Variants in ZNRF1 observed in about 807,000 individuals in gnomAD.
ZNRF1 encodes zinc and ring finger 1.
In ZNRF1, 3 loss-of-function variants were observed where a neutral mutation model predicts 18.4. The ratio of observed to expected loss-of-function variants is 0.16; its 90% CI spans 0.07 to 0.42. The LOEUF (loss-of-function observed/expected upper bound fraction) is 0.42. Ranked by LOEUF, ZNRF1 falls within the 10% of genes least tolerant of loss-of-function variation. The pLI is 0.99. For missense variants in ZNRF1, 310 were observed against 329.8 expected (o/e 0.94, Z 0.47); for synonymous variants, 157 against 144.2 (o/e 1.09, Z -0.64).
chr16:75,038,529 A>C (rs1220892667), intron 1 of ZNRF1, among the ~76,000 whole-genome samples: 2 of 152,234 alleles, frequency 1.3e-5, no homozygotes, highest in African/African-American at 4.8e-5. Flanking sequence ...TTGGTTTGGC[A>C]TTGTGACAAG....
chr16:75,074,351 G>GTGAC (rs1422477449), intron 1 of ZNRF1, among the ~76,000 whole-genome samples: 4 of 152,214 alleles, frequency 2.6e-5, no homozygotes, highest in Admixed American at 2.6e-4. Flanking sequence ...AGCCTACTGG[G>GTGAC]TGACCCTTCC....
chr16:75,061,815 G>T (rs2035748416), intron 1 of ZNRF1, among the ~76,000 whole-genome samples: 1 of 152,196 alleles, frequency 6.6e-6, no homozygotes, highest in African/African-American at 2.4e-5. Flanking sequence ...CTTGTCAGCA[G>T]CTTGGTTTAA....
At chr16:75,094,535 C>G (rs889252272) in intron 2 of ZNRF1, among the ~76,000 whole-genome samples, 1 of 152,172 alleles carries the variant, frequency 6.6e-6, no homozygotes, top group African/African-American at 2.4e-5. Flanking sequence ...CAGTTTTCTG[C>G]TCTGTAAAAT....
chr16:75,050,881 AAAAAAAACAAAAAAAAAC>A lies in ZNRF1; in HGVS notation c.425-42684_425-42667del, dbSNP rs1350938691. ...GCAAGACTCCGTCTCAAAAAAAAAAAAAAAAAACAAAAAAAAACAAAAAACTTGTAGCCAGGTACAGTG... is the reference window on the plus strand; with the variant it reads ...GCAAGACTCCGTCTCAAAAAAAAAAAAAAAAACTTGTAGCCAGGTACAGTG... On this transcript the variant is annotated intron_variant, in intron 1 of 4. Coordinates refer to ENST00000335325, the MANE Select transcript of ZNRF1 (RefSeq NM_032268.5). Among the ~76,000 whole-genome samples, 734 of 118,492 alleles carry A rather than the reference AAAAAAAACAAAAAAAAAC, an allele frequency of 6.2e-3. 56 individuals are homozygous for A. The highest frequency in any genetic ancestry group is 8.0e-3 in the Non-Finnish European group (471 of 58,728). 77.7% of individuals were successfully genotyped at this position (118,492 alleles called of 152,430 possible). A position where few individuals can be genotyped will look rare whatever the true frequency, so the allele number is the denominator to read the frequency against.
intron 1 of ZNRF1, among the ~76,000 whole-genome samples, chr16:75,003,891 C>G (rs776183460): frequency 6.6e-6 from 1 of 152,016 alleles, no homozygotes; most frequent in Non-Finnish European, 1.5e-5. Context: ...AAAGGACATT[C>G]TAAATGGAGA....
intron 1 of ZNRF1, among the ~76,000 whole-genome samples, chr16:75,029,215 C>T (rs2035267211): frequency 6.6e-6 from 1 of 152,014 alleles, no homozygotes; most frequent in Non-Finnish European, 1.5e-5. Flanking sequence ...GGCGCCATCT[C>T]AGCTCACTGC....
At position 75,108,717 on chromosome 16, in the gene ZNRF1, G is replaced by T. The variant is rs1466449907; in HGVS notation, c.*1017G>T. The T allele has an allele frequency of 7.6e-6, 3 of 394,756 alleles. No individual in the cohort carries two copies. Among genetic ancestry groups the T allele is most frequent in the Non-Finnish European group, 1.3e-5 (3 of 224,102 alleles). 24.5% of individuals were successfully genotyped at this position (394,756 alleles called of 1,614,324 possible). On this transcript the variant is annotated 3_prime_UTR_variant, in exon 5 of 5. Transcript: ENST00000335325. ...AAAATGTCTAATAAAAGATGGCACT[G>T]CGTGATTTTATTTTAATGAAGTGTT...
At chr16:75,029,662 C>A (rs960060740) in intron 1 of ZNRF1, among the ~76,000 whole-genome samples, 1 of 151,092 alleles carries the variant, frequency 6.6e-6, no homozygotes, top group African/African-American at 2.4e-5. Flanking sequence ...CCAGCTGAGG[C>A]TGAGGCTGAG....
rs373948876 is a variant in ZNRF1 at position 75,040,002 on chromosome 16, T to G, written c.424+39907T>G. ...ATGAGATTTAGTAAATATATAGTTA[T>G]GAAACCATCACTAAAATCTTTTGTT... On this transcript the variant is annotated intron_variant, in intron 1 of 4. Transcript: ENST00000335325. Among the ~76,000 whole-genome samples the G allele has an allele frequency of 4.0e-5, 6 of 151,842 alleles. No individual in the cohort carries two copies. In the South Asian group the frequency reaches 1.2e-3, roughly 31 times the overall value.
Position 75,106,548 on chromosome 16 carries a change from C to T in ZNRF1, c.*9C>T. 6.2e-7 allele frequency: 1 copy of T among 1,614,110 alleles called. No individual in the cohort carries two copies. Among genetic ancestry groups the T allele is most frequent in the Non-Finnish European group, 8.5e-7 (1 of 1,180,002 alleles). On this transcript the variant is annotated 3_prime_UTR_variant, in exon 4 of 5. Coordinates refer to ENST00000335325, the MANE Select transcript of ZNRF1 (RefSeq NM_032268.5). ...AACACCCTGCGGACTGACCTGCGGG[C>T]TTGCTTGCTGACTCCTCTCAAAGGT...
rs1171714640 is a variant in ZNRF1 at position 74,999,208 on chromosome 16, C to T, written c.-464C>T. On this transcript the variant is annotated 5_prime_UTR_variant, in exon 1 of 5. Coordinates refer to ENST00000335325, the MANE Select transcript of ZNRF1 (RefSeq NM_032268.5). ...GGCCTGGAGGGGTCCGGGCCGCCGT[C>T]CATGGTCGCGGCGTCCTGAGGCGGG... The T allele has an allele frequency of 6.8e-6, 1 of 147,150 alleles. No individual in the cohort carries two copies. Among genetic ancestry groups the T allele is most frequent in the Non-Finnish European group, 1.5e-5 (1 of 66,148 alleles). 9.1% of individuals were successfully genotyped at this position (147,150 alleles called of 1,614,324 possible). A position where few individuals can be genotyped will look rare whatever the true frequency, so the allele number is the denominator to read the frequency against.
intron 1 of ZNRF1, among the ~76,000 whole-genome samples, chr16:75,056,540 G>A (rs567174215): frequency 1.5e-4 from 23 of 152,324 alleles, no homozygotes; most frequent in African/African-American, 5.3e-4. Flanking sequence ...CAAAAATACT[G>A]AAGATACAGA....
chr16:75,046,388 A>G (rs2035515422), intron 1 of ZNRF1, among the ~76,000 whole-genome samples: 1 of 151,370 alleles, frequency 6.6e-6, no homozygotes, highest in Admixed American at 6.6e-5. Context: ...AGTAGCTGGG[A>G]TTACAGGCAT....
intron 1 of ZNRF1, among the ~76,000 whole-genome samples, chr16:75,013,290 G>A (rs971584745): frequency 1.3e-5 from 2 of 151,872 alleles, no homozygotes; most frequent in African/African-American, 4.8e-5. Flanking sequence ...GGCCCACAGG[G>A]TAAGTCTTAT....
intron 1 of ZNRF1, among the ~76,000 whole-genome samples, chr16:75,068,184 G>A (rs1177035473): frequency 2.7e-5 from 2 of 72,992 alleles, no homozygotes; most frequent in African/African-American, 9.4e-5. Context: ...GCGAGACCTT[G>A]TCTTAAAAAA....
chr16:75,020,208 T>A (rs2035126061), intron 1 of ZNRF1, among the ~76,000 whole-genome samples: 2 of 152,198 alleles, frequency 1.3e-5, no homozygotes, highest in Non-Finnish European at 2.9e-5. Context: ...TTTTTTTGTC[T>A]GGTATTAATG....
rs147006605 is a variant in ZNRF1 at position 75,107,858 on chromosome 16, C to T, written c.*158C>T. 2.2e-6 allele frequency: 1 copy of T among 453,922 alleles called. No homozygotes were observed. Among genetic ancestry groups the T allele is most frequent in the African/African-American group, 2.0e-5 (1 of 50,116 alleles). 28.1% of individuals were successfully genotyped at this position (453,922 alleles called of 1,614,324 possible). On this transcript the variant is annotated 3_prime_UTR_variant, in exon 5 of 5. Coordinates refer to ENST00000335325, the MANE Select transcript of ZNRF1 (RefSeq NM_032268.5). ...TCCAGATCATGGTTCTCCCTTCCTC[C>T]CTGAGGACACCAAATTGGATGAGAG... is the stretch of plus-strand genomic sequence containing the variant.
intron 1 of ZNRF1, among the ~76,000 whole-genome samples, chr16:75,002,547 C>T (rs1052517227): frequency 3.3e-5 from 5 of 152,146 alleles, no homozygotes; most frequent in African/African-American, 7.2e-5. Context: ...TGAGGGAGTT[C>T]AGTGTATACA....
chr16:75,029,468 A>T (rs1358485179), intron 1 of ZNRF1, among the ~76,000 whole-genome samples: 1 of 152,100 alleles, frequency 6.6e-6, no homozygotes, highest in Non-Finnish European at 1.5e-5. Flanking sequence ...TAAAAAACAA[A>T]ACAAAAAACT....
Sources: gnomAD v4.1 joint callset for allele counts (sites outside exome capture counted in the v4.1 genomes callset) on GRCh38, gnomAD v4.1.1 for gene constraint, MANE v1.5 for transcripts, NCBI Gene and HGNC (gene_info 2026-07-23, HGNC 2026-07-21) for gene names.